PHF24: variants seen among roughly 807,000 people sequenced by gnomAD.
The protein encoded by PHF24 is Galpha inhibitory interacting protein.
Under a neutral mutation model 42.6 loss-of-function variants are expected in PHF24, and 25 were observed. The ratio of observed to expected loss-of-function variants is 0.59; its 90% CI spans 0.43 to 0.82. The LOEUF is 0.82. Among genes scored for constraint, PHF24 ranks in the 40% least tolerant of loss-of-function variants. The pLI is 0.00. For missense variants in PHF24, 470 were observed against 538.1 expected (o/e 0.87, Z 1.25); for synonymous variants, 185 against 204.8 (o/e 0.90, Z 0.83).
the PHF24 span, among the ~76,000 whole-genome samples, chr9:34,831,698 G>A: frequency 6.6e-6 from 1 of 152,090 alleles, no homozygotes; most frequent in Admixed American, 6.5e-5. Flanking sequence ...CTCCAACTAC[G>A]TGACCCTGCT....
the PHF24 span, among the ~76,000 whole-genome samples, chr9:34,862,639 A>G: frequency 1.3e-5 from 2 of 152,066 alleles, no homozygotes. Context: ...AATAACCAGC[A>G]GCAATACCCA....
At chr9:34,961,256 GATTT>G (rs1049215770) in intron 1 of PHF24, among the ~76,000 whole-genome samples, 2 of 152,074 alleles carry the variant, frequency 1.3e-5, no homozygotes, top group African/African-American at 4.8e-5. Flanking sequence ...GTCCCAAATT[GATTT>G]ATTCATTTCT....
the PHF24 span, chr9:34,723,235 G>C: frequency 1.9e-6 from 3 of 1,551,356 alleles, no homozygotes; most frequent in Non-Finnish European, 1.7e-6. Flanking sequence ...TCAGGAGCTA[G>C]GTTGGGTGCC....
At chr9:34,932,020 G>A in the PHF24 span, among the ~76,000 whole-genome samples, 9 of 152,172 alleles carry the variant, frequency 5.9e-5, no homozygotes, top group African/African-American at 2.2e-4. Flanking sequence ...GTGGGGTAAG[G>A]AGTGACTATT....
the PHF24 span, among the ~76,000 whole-genome samples, chr9:34,931,406 T>G: frequency 7.4e-6 from 1 of 135,446 alleles, no homozygotes; most frequent in African/African-American, 2.8e-5. Flanking sequence ...AATGGTATAA[T>G]GAACTTGAGG....
the PHF24 span, among the ~76,000 whole-genome samples, chr9:34,720,879 C>A: frequency 4.6e-5 from 7 of 152,326 alleles, no homozygotes; most frequent in East Asian, 1.4e-3. Context: ...TCACAACCAA[C>A]TGCTTGGGAC....
the PHF24 span, among the ~76,000 whole-genome samples, chr9:34,937,587 C>T: frequency 6.6e-6 from 1 of 151,824 alleles, no homozygotes. Flanking sequence ...CCTCCCTCCA[C>T]TATTGTCCTG....
chr9:34,882,905 A>G, the PHF24 span, among the ~76,000 whole-genome samples: 6 of 152,242 alleles, frequency 3.9e-5, no homozygotes, highest in Non-Finnish European at 7.3e-5. Flanking sequence ...CACATTGCCA[A>G]GACAATCCTA....
At chr9:34,892,980 A>G in the PHF24 span, 3 of 724,718 alleles carry the variant, frequency 4.1e-6, no homozygotes, top group Non-Finnish European at 7.3e-6. Flanking sequence ...GATGTGGACA[A>G]AGCCTCTAGG....
chr9:34,697,439 C>T, the PHF24 span, among the ~76,000 whole-genome samples: 3 of 152,200 alleles, frequency 2.0e-5, no homozygotes, highest in South Asian at 6.2e-4. Context: ...CTTGCCTCAG[C>T]CTCCCAAGTA....
chr9:34,726,469 C>T, the PHF24 span: 1 of 1,551,534 alleles, frequency 6.4e-7, no homozygotes, highest in South Asian at 1.2e-5. Flanking sequence ...GCAAGGAGAC[C>T]TGGGAATTCA....
At chr9:34,743,067 C>G in the PHF24 span, among the ~76,000 whole-genome samples, 1 of 152,142 alleles carries the variant, frequency 6.6e-6, no homozygotes, top group Non-Finnish European at 1.5e-5. Context: ...TTAAAAGCAG[C>G]CCGTGATAAA....
the PHF24 span, among the ~76,000 whole-genome samples, chr9:34,762,800 A>C: frequency 6.6e-6 from 1 of 152,128 alleles, no homozygotes; most frequent in African/African-American, 2.4e-5. Flanking sequence ...GGTATTGCCT[A>C]GGTTTTCTTC....
At chr9:34,946,447 GT>G in the PHF24 span, among the ~76,000 whole-genome samples, 1 of 152,162 alleles carries the variant, frequency 6.6e-6, no homozygotes, top group African/African-American at 2.4e-5. Flanking sequence ...TCTCTTGTAA[GT>G]TTCCATATCC....
chr9:34,865,545 C>CAAAGCA, the PHF24 span, among the ~76,000 whole-genome samples: 1 of 151,474 alleles, frequency 6.6e-6, no homozygotes, highest in Non-Finnish European at 1.5e-5. Context: ...GCCTGAGTGA[C>CAAAGCA]AAAGCAAGAC....
the PHF24 span, among the ~76,000 whole-genome samples, chr9:34,882,256 G>A: frequency 2.3e-4 from 35 of 151,624 alleles, no homozygotes; most frequent in Non-Finnish European, 3.5e-4. Flanking sequence ...AGCCAATATC[G>A]TACTGAATGG....
At chr9:34,909,661 G>T in the PHF24 span, among the ~76,000 whole-genome samples, 1 of 148,662 alleles carries the variant, frequency 6.7e-6, no homozygotes, top group Admixed American at 6.8e-5. Flanking sequence ...TCGCTCTGTC[G>T]CCCAGGCTGG....
At chr9:34,691,067 C>T in the PHF24 span, 166 of 1,588,318 alleles carry the variant, frequency 1.0e-4, 1 homozygote, top group African/African-American at 2.0e-3. Context: ...CTGCCTCTGA[C>T]CCTGACTCTC....
At chr9:34,831,796 AGAGGCAGTG>A in the PHF24 span, among the ~76,000 whole-genome samples, 2 of 152,112 alleles carry the variant, frequency 1.3e-5, no homozygotes, top group Admixed American at 1.3e-4. Context: ...CATGCAACTG[AGAGGCAGTG>A]GAGGCAGTAA....
Sources: allele counts gnomAD v4.1 joint callset (sites outside exome capture counted in the v4.1 genomes callset), GRCh38; gene constraint gnomAD v4.1.1; transcripts MANE v1.5; gene names NCBI Gene and HGNC (gene_info 2026-07-23, HGNC 2026-07-21).